ALCAM: variants seen among roughly 807,000 people sequenced by gnomAD.
The protein encoded by ALCAM is CD166 antigen.
A neutral mutation model predicts 70.9 loss-of-function variants in ALCAM; 30 were observed. The ratio of observed to expected loss-of-function variants is 0.42; its 90% CI spans 0.32 to 0.57. The LOEUF (loss-of-function observed/expected upper bound fraction) is 0.57. Among genes scored for constraint, ALCAM ranks in the 20% least tolerant of loss-of-function variants. ALCAM has a pLI of 0.11. For synonymous variants in ALCAM, 249 were observed against 242.5 expected (o/e 1.03, Z -0.25); for missense variants, 591 against 695.1 (o/e 0.85, Z 1.68).
At chr3:105,374,620 G>A (rs1935331479) in intron 1 of ALCAM, among the ~76,000 whole-genome samples, 2 of 152,100 alleles carry the variant, frequency 1.3e-5, no homozygotes, top group Admixed American at 6.5e-5. Context: ...GAGTTCAAGC[G>A]ATTCTCCTGC....
chr3:105,374,010 A>G (rs1485860307), intron 1 of ALCAM, among the ~76,000 whole-genome samples: 2 of 152,236 alleles, frequency 1.3e-5, no homozygotes, highest in African/African-American at 4.8e-5. Flanking sequence ...TTAATGAAAA[A>G]CAAAAAGAAA....
chr3:105,417,942 T>C lies in ALCAM; in HGVS notation c.73+50461T>C, dbSNP rs1363503589. Among the ~76,000 whole-genome samples the C allele has an allele frequency of 4.1e-5, 6 of 146,644 alleles. No homozygotes were observed. The East Asian group carries it at 1.2e-3, about 29-fold the overall frequency. On this transcript the variant is annotated intron_variant, in intron 1 of 15. Coordinates refer to ENST00000306107, the MANE Select transcript of ALCAM (RefSeq NM_001627.4). ...GCCCCTTTTTTTCAAAAATGAATAT[T>C]CTTTTTTTTTGGCTATAATCTGAGG...
chr3:105,452,486 T>A (rs925402100), intron 1 of ALCAM, among the ~76,000 whole-genome samples: 1 of 152,234 alleles, frequency 6.6e-6, no homozygotes, highest in African/African-American at 2.4e-5. Flanking sequence ...GATGGGCATT[T>A]GTGTTGGTTT....
At chr3:105,423,657 G>T (rs1275620320) in intron 1 of ALCAM, among the ~76,000 whole-genome samples, 1 of 151,416 alleles carries the variant, frequency 6.6e-6, no homozygotes. Context: ...CGCAACACTT[G>T]CAAATATTTC....
In ALCAM at chr3:105,520,054, T is replaced by A; in HGVS notation, c.74-13T>A. 1 of 1,538,162 alleles carries A rather than the reference T, an allele frequency of 6.5e-7. No homozygotes were observed. Among genetic ancestry groups the A allele is most frequent in the Non-Finnish European group, 8.8e-7 (1 of 1,130,288 alleles). ...CTCTTTCTCTCTTCTTCCTTTTTTT[T>A]TTTCCCCCAAAGGCCTTGGATGGTA... On this transcript the variant is annotated splice_polypyrimidine_tract_variant and intron_variant, in intron 1 of 15. Transcript: ENST00000306107.
At position 105,575,398 on chromosome 3, in the gene ALCAM, AT is replaced by A. The variant is rs1940941546; in HGVS notation, c.*949del. 1 of 152,566 alleles carries A rather than the reference AT, an allele frequency of 6.6e-6. No homozygotes were observed. The highest frequency in any genetic ancestry group is 1.5e-5 in the Non-Finnish European group (1 of 68,030). 9.5% of individuals were successfully genotyped at this position (152,566 alleles called of 1,614,324 possible). On this transcript the variant is annotated 3_prime_UTR_variant, in exon 16 of 16. Transcript: ENST00000306107. ...CATGTTTAAAAAGATATCAATCAGA[AT>A]TGGAGTTTTTAACAGTGGTCATTAT... is the stretch of plus-strand genomic sequence containing the variant.
At chr3:105,536,435 A>G (rs1428279516) in intron 6 of ALCAM, among the ~76,000 whole-genome samples, 2 of 152,154 alleles carry the variant, frequency 1.3e-5, no homozygotes, top group African/African-American at 4.8e-5. Context: ...GAAATAAACC[A>G]TATTAGTGTA....
chr3:105,411,579 A>G (rs1273367428), intron 1 of ALCAM, among the ~76,000 whole-genome samples: 1 of 152,102 alleles, frequency 6.6e-6, no homozygotes, highest in Non-Finnish European at 1.5e-5. Flanking sequence ...TTTAATTTTC[A>G]TAACGCTCTT....
intron 1 of ALCAM, among the ~76,000 whole-genome samples, chr3:105,419,256 CT>C (rs1936585049): frequency 6.6e-6 from 1 of 151,770 alleles, no homozygotes; most frequent in Non-Finnish European, 1.5e-5. Context: ...AAGAATAATT[CT>C]GGAATGTCTA....
intron 1 of ALCAM, among the ~76,000 whole-genome samples, chr3:105,453,090 G>C (rs1321318749): frequency 6.6e-6 from 1 of 152,170 alleles, no homozygotes; most frequent in Non-Finnish European, 1.5e-5. Flanking sequence ...GATCCCATTT[G>C]TCAATTTTGG....
intron 1 of ALCAM, among the ~76,000 whole-genome samples, chr3:105,408,799 C>G (rs947355269): frequency 6.6e-6 from 1 of 152,028 alleles, no homozygotes; most frequent in African/African-American, 2.4e-5. Flanking sequence ...ACAATCTGTA[C>G]ATCTGACAAA....
intron 1 of ALCAM, among the ~76,000 whole-genome samples, chr3:105,467,847 T>C (rs895585283): frequency 2.6e-5 from 4 of 151,200 alleles, no homozygotes; most frequent in Non-Finnish European, 5.9e-5. Context: ...CATGTAATAC[T>C]GTACATTTTT....
intron 6 of ALCAM, among the ~76,000 whole-genome samples, chr3:105,536,882 G>GT (rs1273030550): frequency 1.3e-5 from 2 of 152,098 alleles, no homozygotes; most frequent in Admixed American, 1.3e-4. Flanking sequence ...TGAAGGACTT[G>GT]TTAGAGCACA....
At chr3:105,480,968 G>A (rs1007758853) in intron 1 of ALCAM, among the ~76,000 whole-genome samples, 3 of 151,994 alleles carry the variant, frequency 2.0e-5, no homozygotes, top group African/African-American at 7.2e-5. Context: ...ATGAGATTCT[G>A]TTCCGGCTGT....
At chr3:105,433,910 C>T (rs1450489623) in intron 1 of ALCAM, among the ~76,000 whole-genome samples, 1 of 151,460 alleles carries the variant, frequency 6.6e-6, no homozygotes, top group Non-Finnish European at 1.5e-5. Flanking sequence ...AAACAGTCCT[C>T]CTGGGTCTGT....
At chr3:105,409,315 G>A (rs978645547) in intron 1 of ALCAM, among the ~76,000 whole-genome samples, 12 of 132,688 alleles carry the variant, frequency 9.0e-5, no homozygotes, top group East Asian at 5.0e-4. Context: ...CAGTCAATGA[G>A]TGGATAAAGA....
At chr3:105,531,361 T>C (rs1374382079) in intron 3 of ALCAM, 1 of 152,152 alleles carries the variant, frequency 6.6e-6, no homozygotes, top group Non-Finnish European at 1.5e-5. Context: ...CACTTTCATA[T>C]TGTGACTTGG....
rs930104688 is a variant in ALCAM at position 105,424,450 on chromosome 3, T to A, written c.73+56969T>A. ...AGGACATTTCAGGCAAAATAAATAT[T>A]GTGAGCATAAGCATATTGGTGTTGA... On this transcript the variant is annotated intron_variant, in intron 1 of 15. Transcript: ENST00000306107. Among the ~76,000 whole-genome samples, 3 of 151,670 alleles carry A rather than the reference T, an allele frequency of 2.0e-5. No homozygotes were observed. The Admixed American group carries it at 2.0e-4, about 10-fold the overall frequency.
chr3:105,444,003 C>T (rs1937239374), intron 1 of ALCAM, among the ~76,000 whole-genome samples: 1 of 152,020 alleles, frequency 6.6e-6, no homozygotes, highest in Non-Finnish European at 1.5e-5. Flanking sequence ...TGTGTTATAC[C>T]TTTCAAATAA....
Sources: gnomAD v4.1 joint callset for allele counts (sites outside exome capture counted in the v4.1 genomes callset) on GRCh38, gnomAD v4.1.1 for gene constraint, MANE v1.5 for transcripts, NCBI Gene and HGNC (gene_info 2026-07-23, HGNC 2026-07-21) for gene names.